Variants in CACNG3 observed in about 807,000 individuals in gnomAD.
The protein encoded by CACNG3 is voltage-dependent calcium channel gamma-3 subunit.
In CACNG3, 3 loss-of-function variants were observed where a neutral mutation model predicts 28.5. The observed-to-expected ratio is 0.11, with a 90% CI of 0.05 to 0.27. The LOEUF is 0.27. Among genes scored for constraint, CACNG3 ranks in the 10% least tolerant of loss-of-function variants. CACNG3 has a pLI of 1.00. For synonymous variants in CACNG3, 174 were observed against 162.2 expected (o/e 1.07, Z -0.55); for missense variants, 236 against 414.4 (o/e 0.57, Z 3.74).
chr16:24,321,868 C>T (rs1899464515), intron 1 of CACNG3, among the ~76,000 whole-genome samples: 1 of 152,130 alleles, frequency 6.6e-6, no homozygotes, highest in Non-Finnish European at 1.5e-5. Flanking sequence ...TACTCTCTTA[C>T]TGTGTAGAAT....
intron 1 of CACNG3, among the ~76,000 whole-genome samples, chr16:24,303,073 C>T (rs1360966348): frequency 2.0e-5 from 3 of 151,838 alleles, no homozygotes; most frequent in East Asian, 1.9e-4. Context: ...GGATAACAGA[C>T]GTGAACCACC....
At chr16:24,336,643 T>C (rs868400425) in intron 1 of CACNG3, among the ~76,000 whole-genome samples, 2 of 114,830 alleles carry the variant, frequency 1.7e-5, no homozygotes, top group African/African-American at 2.7e-5. Flanking sequence ...AATCCTAGTA[T>C]AGGTATGATC....
intron 1 of CACNG3, among the ~76,000 whole-genome samples, chr16:24,285,465 T>C (rs377179705): frequency 6.6e-6 from 1 of 152,182 alleles, no homozygotes; most frequent in Non-Finnish European, 1.5e-5. Flanking sequence ...AACTGCTAAA[T>C]GTGCTTCCTT....
chr16:24,350,234 C>G (rs1328983523), intron 2 of CACNG3, among the ~76,000 whole-genome samples: 1 of 152,166 alleles, frequency 6.6e-6, no homozygotes, highest in East Asian at 1.9e-4. Context: ...GGTCTCCCCA[C>G]CAATGGTTCC....
At chr16:24,310,040 A>T (rs1417836101) in intron 1 of CACNG3, among the ~76,000 whole-genome samples, 1 of 152,206 alleles carries the variant, frequency 6.6e-6, no homozygotes, top group Non-Finnish European at 1.5e-5. Context: ...TGAGAAAGAA[A>T]TGAGCAAGAC....
At chr16:24,347,515 A>G (rs942085550) in intron 2 of CACNG3, among the ~76,000 whole-genome samples, 1 of 152,108 alleles carries the variant, frequency 6.6e-6, no homozygotes, top group African/African-American at 2.4e-5. Context: ...CTTTCCCAGG[A>G]GGGTTGATTG....
intron 1 of CACNG3, among the ~76,000 whole-genome samples, chr16:24,298,261 A>G (rs1287857333): frequency 2.0e-5 from 3 of 152,092 alleles, no homozygotes. Context: ...CTGAAATACC[A>G]TGATCATCCT....
intron 1 of CACNG3, among the ~76,000 whole-genome samples, chr16:24,302,620 A>G (rs1742553314): frequency 6.8e-6 from 1 of 147,396 alleles, no homozygotes; most frequent in South Asian, 2.1e-4. Flanking sequence ...ATGCCCAGCT[A>G]AATTTTTTTG....
chr16:24,287,505 G>A (rs548974985), intron 1 of CACNG3, among the ~76,000 whole-genome samples: 12 of 114,452 alleles, frequency 1.0e-4, no homozygotes, highest in East Asian at 2.6e-4. Flanking sequence ...GCAACAAAGC[G>A]AGACTCTCCA....
At chr16:24,261,646 T>G (rs1898538545) in intron 1 of CACNG3, among the ~76,000 whole-genome samples, 1 of 152,192 alleles carries the variant, frequency 6.6e-6, no homozygotes, top group Non-Finnish European at 1.5e-5. Context: ...AATAATCACT[T>G]TTTCAATTCA....
intron 1 of CACNG3, among the ~76,000 whole-genome samples, chr16:24,292,549 C>A (rs1898979739): frequency 1.3e-5 from 2 of 152,140 alleles, no homozygotes; most frequent in Middle Eastern, 3.4e-3. Flanking sequence ...CCTTCCAGTC[C>A]TGCCTTCCTC....
chr16:24,362,050 A>C lies in CACNG3; in HGVS notation c.*187A>C. On this transcript the variant is annotated 3_prime_UTR_variant, in exon 4 of 4. Transcript: ENST00000005284. ...AGTCCTAACCCCTCCATCCTCTCTA[A>C]CTTTTCAAGCCAATCCCTTAATGTC... 1.9e-6 allele frequency: 1 copy of C among 536,922 alleles called. No homozygotes were observed. Among genetic ancestry groups the C allele is most frequent in the South Asian group, 3.2e-5 (1 of 30,812 alleles). 33.3% of individuals were successfully genotyped at this position (536,922 alleles called of 1,614,324 possible).
At chr16:24,355,678 T>C (rs1900022120) in intron 3 of CACNG3, among the ~76,000 whole-genome samples, 1 of 152,216 alleles carries the variant, frequency 6.6e-6, no homozygotes, top group Admixed American at 6.5e-5. Flanking sequence ...GGGATTTGTA[T>C]TTGACAGCTA....
At chr16:24,349,645 T>C (rs990733119) in intron 2 of CACNG3, among the ~76,000 whole-genome samples, 10 of 152,174 alleles carry the variant, frequency 6.6e-5, no homozygotes, top group Admixed American at 5.2e-4. Flanking sequence ...TGTATTATAA[T>C]TAGCATATAA....
chr16:24,267,366 C>A (rs567052414), intron 1 of CACNG3, among the ~76,000 whole-genome samples: 2 of 152,196 alleles, frequency 1.3e-5, no homozygotes, highest in South Asian at 4.2e-4. Flanking sequence ...GAGCTCACTG[C>A]GGCCTCGACC....
In CACNG3 at chr16:24,357,076, A is replaced by G. The variant is rs765913117; in HGVS notation, c.436+2103A>G. On this transcript the variant is annotated intron_variant, in intron 3 of 3. Transcript: ENST00000005284. The stretch of plus-strand genomic sequence containing the variant: ...GTGGTGAAACCTGTCTCTACTAAAA[A>G]TACAAAAATTAGCTGGGTGTGGTGG... 3.9e-4 allele frequency among the ~76,000 whole-genome samples: 60 copies of G among 152,030 alleles called. 1 individual carries two copies. The highest frequency in any genetic ancestry group is 7.5e-4 in the Non-Finnish European group (51 of 68,000).
intron 1 of CACNG3, among the ~76,000 whole-genome samples, chr16:24,327,530 G>T (rs952706805): frequency 8.1e-6 from 1 of 124,010 alleles, no homozygotes; most frequent in Non-Finnish European, 1.6e-5. Flanking sequence ...GAGGTTGGGG[G>T]GATCGTTTGA....
intron 1 of CACNG3, among the ~76,000 whole-genome samples, chr16:24,345,716 G>A (rs1041040310): frequency 2.0e-5 from 3 of 152,158 alleles, no homozygotes; most frequent in Admixed American, 2.0e-4. Flanking sequence ...AAACAAAAAA[G>A]ACAGCAAATG....
intron 1 of CACNG3, among the ~76,000 whole-genome samples, chr16:24,328,449 C>T (rs907194952): frequency 1.3e-5 from 2 of 149,802 alleles, no homozygotes; most frequent in African/African-American, 4.9e-5. Flanking sequence ...CAAGAAGTTG[C>T]CCAAGATACC....
Sources: gnomAD v4.1 joint callset for allele counts (sites outside exome capture counted in the v4.1 genomes callset) on GRCh38, gnomAD v4.1.1 for gene constraint, MANE v1.5 for transcripts, NCBI Gene and HGNC (gene_info 2026-07-23, HGNC 2026-07-21) for gene names.